Variants in COMMD1 observed in about 807,000 individuals in gnomAD.
COMMD1 encodes COMM domain-containing protein 1.
COMMD1 carries 10 observed loss-of-function variants against 17.2 expected under a neutral mutation model. The ratio of observed to expected loss-of-function variants is 0.58; its 90% CI spans 0.36 to 0.99. The LOEUF is 0.99. Ranked by LOEUF, COMMD1 falls within the 50% of genes least tolerant of loss-of-function variation. The pLI is 0.01. For synonymous variants in COMMD1, 97 were observed against 91.6 expected (o/e 1.06, Z -0.34); for missense variants, 270 against 231.8 (o/e 1.17, Z -1.07).
chr2:62,132,036 C>T (rs1673052337), intron 2 of COMMD1, among the ~76,000 whole-genome samples: 1 of 151,926 alleles, frequency 6.6e-6, no homozygotes. Context: ...TTACAGGTGC[C>T]CACCACCAAG....
chr2:61,921,432 G>A (rs904860954), intron 1 of COMMD1, among the ~76,000 whole-genome samples: 1 of 152,020 alleles, frequency 6.6e-6, no homozygotes, highest in Non-Finnish European at 1.5e-5. Context: ...GACCAACCCA[G>A]TATTATTTTG....
intron 1 of COMMD1, among the ~76,000 whole-genome samples, chr2:61,911,470 G>GTTAT (rs1027996957): frequency 2.6e-5 from 4 of 152,142 alleles, no homozygotes; most frequent in Admixed American, 1.3e-4. Context: ...GCAAAACTCT[G>GTTAT]TTATTTATTT....
chr2:61,977,505 A>G (rs1309839407), intron 1 of COMMD1, among the ~76,000 whole-genome samples: 1 of 151,720 alleles, frequency 6.6e-6, no homozygotes, highest in Non-Finnish European at 1.5e-5. Context: ...CGGCCTCCCA[A>G]AGTGCTGGGA....
At chr2:62,090,064 A>AGTCTAACCT (rs1671783956) in intron 2 of COMMD1, among the ~76,000 whole-genome samples, 2 of 152,114 alleles carry the variant, frequency 1.3e-5, no homozygotes, top group Non-Finnish European at 2.9e-5. Context: ...TTAAGGGGTG[A>AGTCTAACCT]GATGGAGTCA....
chr2:62,119,612 A>G (rs1672692797), intron 2 of COMMD1, among the ~76,000 whole-genome samples: 1 of 152,234 alleles, frequency 6.6e-6, no homozygotes, highest in African/African-American at 2.4e-5. Flanking sequence ...GTCAAGAGAA[A>G]GACTGCTTTC....
At chr2:61,979,341 G>T (rs1032427367) in intron 1 of COMMD1, among the ~76,000 whole-genome samples, 4 of 152,078 alleles carry the variant, frequency 2.6e-5, no homozygotes, top group African/African-American at 9.7e-5. Context: ...GCCAGGCATG[G>T]TGGCAGGTAC....
chr2:62,094,042 G>C (rs991400598), intron 2 of COMMD1, among the ~76,000 whole-genome samples: 1 of 152,154 alleles, frequency 6.6e-6, no homozygotes, highest in African/African-American at 2.4e-5. Context: ...CCTTAAATAA[G>C]AACCATCCGT....
At chr2:62,017,897 A>G (rs1001886649) in intron 2 of COMMD1, among the ~76,000 whole-genome samples, 26 of 151,970 alleles carry the variant, frequency 1.7e-4, no homozygotes, top group Non-Finnish European at 3.2e-4. Flanking sequence ...TTTTAAAATT[A>G]CCTGAGCATG....
intron 2 of COMMD1, among the ~76,000 whole-genome samples, chr2:62,087,976 C>T (rs1000081164): frequency 9.8e-5 from 15 of 152,322 alleles, no homozygotes; most frequent in African/African-American, 3.6e-4. Context: ...CTTCCTCACA[C>T]TGTTTTTCTT....
At chr2:62,003,605 TAC>T (rs57628894) in intron 2 of COMMD1, among the ~76,000 whole-genome samples, 4,654 of 146,154 alleles carry the variant, frequency 0.032, 133 homozygotes, top group Admixed American at 0.076. Context: ...CAGATATTTT[TAC>T]ACACACACAC....
chr2:61,979,514 A>T lies in COMMD1; in HGVS notation c.181-21187A>T, dbSNP rs143486347. On this transcript the variant is annotated intron_variant, in intron 1 of 2. Coordinates refer to ENST00000311832, the MANE Select transcript of COMMD1 (RefSeq NM_152516.4). ...TAAAAATAGAGCTAGCATATAATTC[A>T]GCAATCCCACTGCTAGGTATATTCC... is the stretch of plus-strand genomic sequence containing the variant. Among the ~76,000 whole-genome samples the T allele has an allele frequency of 2.1e-3, 322 of 152,242 alleles. 2 individuals are homozygous for T. The highest frequency in any genetic ancestry group is 7.0e-3 in the African/African-American group (290 of 41,550).
At chr2:62,086,486 G>A (rs1671672290) in intron 2 of COMMD1, among the ~76,000 whole-genome samples, 1 of 149,242 alleles carries the variant, frequency 6.7e-6, no homozygotes, top group Non-Finnish European at 1.5e-5. Flanking sequence ...ACTCCAGCCT[G>A]TATGACTGAG....
chr2:62,048,534 T>C (rs1301155245), intron 2 of COMMD1, among the ~76,000 whole-genome samples: 1 of 152,104 alleles, frequency 6.6e-6, no homozygotes, highest in East Asian at 1.9e-4. Context: ...TGCTATGGAC[T>C]ATGGACAGTA....
intron 2 of COMMD1, among the ~76,000 whole-genome samples, chr2:62,120,889 A>ATTTTTG (rs932030567): frequency 2.0e-5 from 3 of 151,890 alleles, no homozygotes; most frequent in Non-Finnish European, 4.4e-5. Context: ...TATCCAGCTA[A>ATTTTTG]TTTTTGTTTT....
intron 1 of COMMD1, among the ~76,000 whole-genome samples, chr2:61,973,404 A>G (rs1671704122): frequency 6.6e-6 from 1 of 152,216 alleles, no homozygotes; most frequent in African/African-American, 2.4e-5. Flanking sequence ...GAGGATGTGG[A>G]GAAACTGTAT....
chr2:61,989,371 G>A (rs1422589743), intron 1 of COMMD1, among the ~76,000 whole-genome samples: 1 of 151,980 alleles, frequency 6.6e-6, no homozygotes, highest in Non-Finnish European at 1.5e-5. Flanking sequence ...CTGGCATATA[G>A]TATCATGCAG....
intron 1 of COMMD1, among the ~76,000 whole-genome samples, chr2:61,933,591 C>T (rs1670525966): frequency 6.6e-6 from 1 of 151,900 alleles, no homozygotes; most frequent in Non-Finnish European, 1.5e-5. Flanking sequence ...ATGCTTTTCC[C>T]ACACGTGATA....
chr2:62,056,947 A>G (rs1670721309), intron 2 of COMMD1, among the ~76,000 whole-genome samples: 1 of 152,240 alleles, frequency 6.6e-6, no homozygotes, highest in African/African-American at 2.4e-5. Context: ...AAATGCACTC[A>G]AAAGCCTTCC....
chr2:62,123,479 T>G (rs1672802800), intron 2 of COMMD1, among the ~76,000 whole-genome samples: 1 of 134,016 alleles, frequency 7.5e-6, no homozygotes, highest in African/African-American at 2.9e-5. Context: ...CACTCCAGCC[T>G]GGGCAACAAA....
Sources: allele counts gnomAD v4.1 joint callset (sites outside exome capture counted in the v4.1 genomes callset), GRCh38; gene constraint gnomAD v4.1.1; transcripts MANE v1.5; gene names NCBI Gene and HGNC (gene_info 2026-07-23, HGNC 2026-07-21).